Variants in DNAH11 observed in about 807,000 individuals in gnomAD.
The protein encoded by DNAH11 is axonemal beta dynein heavy chain 11.
A neutral mutation model predicts 526.0 loss-of-function variants in DNAH11; 442 were observed. The observed-to-expected ratio is 0.84, with a 90% confidence interval of 0.78 to 0.91. The LOEUF (loss-of-function observed/expected upper bound fraction) is 0.91, where lower values mean the gene tolerates loss of function less well. Ranked by LOEUF, DNAH11 falls within the 40% of genes least tolerant of loss-of-function variation. The probability of loss-of-function intolerance (pLI) is 0.00; values close to 1 mark genes in which losing one functional copy is unlikely to be tolerated. For synonymous variants in DNAH11, 2,461 were observed against 1,935.9 expected, an observed-to-expected ratio of 1.27 and a Z score of -7.12; for missense variants, 6,989 against 5,448.7, an observed-to-expected ratio of 1.28 and a Z score of -8.90.
At chr7:21,605,980 T>C (rs1265119817) in intron 18 of DNAH11, among the ~76,000 whole-genome samples, 1 of 152,180 alleles carries the variant, frequency 6.6e-6, no homozygotes, top group Non-Finnish European at 1.5e-5. Flanking sequence ...TCCTTTTTTA[T>C]AAACTCATTA....
chr7:21,543,441 C>T lies in DNAH11; in HGVS notation c.196C>T (p.Leu66=). The T allele has an allele frequency of 3.2e-6, 5 of 1,563,140 alleles. No individual in the cohort carries two copies. The highest frequency in any genetic ancestry group is 4.3e-6 in the Non-Finnish European group (5 of 1,153,010). Residue 66 remains leucine (L), a synonymous_variant, in exon 1 of 82, where the codon CTG becomes TTG. Coordinates refer to ENST00000409508, the MANE Select transcript of DNAH11 (RefSeq NM_001277115.2). ...GCGGGTGCGCTTCCTCGGCGGCCGC[C>T]TGGCGATGATGCTGGGGTTCACGGA... is the stretch of plus-strand genomic sequence containing the variant. ...DARVRFLGGR[L]AMMLGFTEEK... is the part of the protein sequence containing the mutation.
intron 29 of DNAH11, among the ~76,000 whole-genome samples, chr7:21,657,831 T>G (rs1782082557): frequency 6.6e-6 from 1 of 152,154 alleles, no homozygotes; most frequent in Non-Finnish European, 1.5e-5. Context: ...GTTTCCTGTT[T>G]CTTTCAAGAG....
At position 21,711,778 on chromosome 7, in the gene DNAH11, C is replaced by T. The variant is rs977897074; in HGVS notation, c.6901C>T (p.His2301Tyr). 1 of 1,613,894 alleles carries T rather than the reference C, an allele frequency of 6.2e-7. No individual in the cohort carries two copies. The highest frequency in any genetic ancestry group is 8.5e-7 in the Non-Finnish European group (1 of 1,179,826). Residue 2301 changes from histidine (H) to tyrosine (Y), a missense_variant, in exon 42 of 82, where the codon CAT (histidine) becomes TAT (tyrosine). Transcript: ENST00000409508. The stretch of plus-strand genomic sequence containing the variant: ...CTTCATGAGGCTTCTGTTTGAGATA[C>T]ATCACTTAAGGAGCGCAACCCCGGC... The part of the protein sequence containing the change: ...TPFMRLLFEI[H>Y]HLRSATPATV...
At chr7:21,877,522 T>G (rs1185265419) in intron 74 of DNAH11, among the ~76,000 whole-genome samples, 2 of 152,216 alleles carry the variant, frequency 1.3e-5, no homozygotes, top group Non-Finnish European at 2.9e-5. Context: ...TTTAATCAAG[T>G]GGCTGGGACA....
At chr7:21,847,680 C>T (rs547880543) in intron 66 of DNAH11, among the ~76,000 whole-genome samples, 55 of 152,180 alleles carry the variant, frequency 3.6e-4, no homozygotes, top group South Asian at 8.3e-4. Context: ...ACATTCGATC[C>T]GGTTGATTGA....
chr7:21,787,104 A>G (rs1260533989), intron 59 of DNAH11, among the ~76,000 whole-genome samples: 1 of 152,206 alleles, frequency 6.6e-6, no homozygotes, highest in Admixed American at 6.5e-5. Context: ...GGTGAAGCAC[A>G]GGGGATTTTT....
Position 21,681,654 on chromosome 7 carries a change from G to T in DNAH11, c.5437G>T (p.Val1813Leu), listed in dbSNP as rs1253779559. Reference sequence around the variant, plus strand: ...CATAGATGTCCATGCCAGAGACGTGGTGGCAAAACTTATTTCTCAGAAGGC... The same window carrying T: ...CATAGATGTCCATGCCAGAGACGTGTTGGCAAAACTTATTTCTCAGAAGGC... The part of the protein sequence containing the change: ...CTIDVHARDV[V>L]AKLISQKVVS... Residue 1813 changes from valine (V) to leucine (L), a missense_variant, in exon 31 of 82, where the codon GTG becomes TTG. Val to Leu is a conservative substitution (Grantham distance 32). Coordinates refer to ENST00000409508, the MANE Select transcript of DNAH11 (RefSeq NM_001277115.2). 1.5e-5 allele frequency: 24 copies of T among 1,613,928 alleles called. No homozygotes were observed. Among genetic ancestry groups the T allele is most frequent in the Non-Finnish European group, 1.9e-5 (23 of 1,179,862 alleles).
Position 21,543,335 on chromosome 7 carries a change from G to T in DNAH11, c.90G>T (p.Val30=). 1 of 1,551,022 alleles carries T rather than the reference G, an allele frequency of 6.4e-7. No individual in the cohort carries two copies. Among genetic ancestry groups the T allele is most frequent in the Non-Finnish European group, 8.7e-7 (1 of 1,146,746 alleles). ...RLTSGAGLEA[V]GAVELEEEEE... is the part of the protein sequence containing the mutation. Reference sequence around the variant, plus strand: ...CCTCGGGGGCCGGCCTGGAGGCAGTGGGCGCTGTGGAGCTCGAGGAGGAGG... The same window carrying T: ...CCTCGGGGGCCGGCCTGGAGGCAGTTGGCGCTGTGGAGCTCGAGGAGGAGG... The change falls in exon 1 of 82, where the codon GTG becomes GTT. Residue 30 remains valine (V), a synonymous_variant. Transcript: ENST00000409508.
chr7:21,838,756 C>T (rs1367205905), intron 65 of DNAH11, among the ~76,000 whole-genome samples: 1 of 129,978 alleles, frequency 7.7e-6, no homozygotes, highest in East Asian at 2.7e-4. Flanking sequence ...ATTTTTGAGA[C>T]AGGGTCTCTG....
At chr7:21,585,722 T>G (rs1203785301) in intron 9 of DNAH11, among the ~76,000 whole-genome samples, 9 of 152,184 alleles carry the variant, frequency 5.9e-5, no homozygotes, top group African/African-American at 2.2e-4. Context: ...TGGCCACAGA[T>G]TTTTAAAAAT....
In DNAH11 at chr7:21,900,123, A is replaced by G; in HGVS notation, c.13303+3A>G. On this transcript the variant is annotated splice_donor_region_variant and intron_variant, in intron 81 of 81. Coordinates refer to ENST00000409508, the MANE Select transcript of DNAH11 (RefSeq NM_001277115.2). ...CCTCCACGGACTCTTCATGGAGGGT[A>G]AGACACCCCAAGGGGTAAGTGGGGA... 6.2e-7 allele frequency: 1 copy of G among 1,609,384 alleles called. No individual in the cohort carries two copies. Among genetic ancestry groups the G allele is most frequent in the South Asian group, 1.1e-5 (1 of 90,404 alleles).
chr7:21,561,450 A>G (rs1213470339), intron 5 of DNAH11: 4 of 262,064 alleles, frequency 1.5e-5, no homozygotes, highest in African/African-American at 4.5e-5. Context: ...TCGGAGTTAA[A>G]AAAAAAAAAT....
intron 25 of DNAH11, among the ~76,000 whole-genome samples, chr7:21,632,830 C>A (rs965371651): frequency 1.3e-5 from 2 of 152,178 alleles, no homozygotes; most frequent in African/African-American, 4.8e-5. Flanking sequence ...AAAGTTGCTT[C>A]CACATTTTCG....
chr7:21,846,751 G>T (rs1190228217), intron 66 of DNAH11, among the ~76,000 whole-genome samples: 1 of 152,016 alleles, frequency 6.6e-6, no homozygotes, highest in Non-Finnish European at 1.5e-5. Context: ...TGTTCCCTCT[G>T]CTTCTATTTT....
At chr7:21,816,369 C>A in intron 63 of DNAH11, 98 bp from the exon 64 acceptor site, 2 of 927,174 alleles carry the variant, frequency 2.2e-6, no homozygotes, top group Admixed American at 2.3e-5. Flanking sequence ...ATGTGTTTAC[C>A]TAGGGTTACT....
intron 8 of DNAH11, among the ~76,000 whole-genome samples, chr7:21,575,101 T>C (rs1334597712): frequency 1.3e-5 from 2 of 152,042 alleles, no homozygotes; most frequent in Non-Finnish European, 2.9e-5. Context: ...GGTCTTAAAC[T>C]CCTGGCCTCA....
chr7:21,885,717 T>C (rs370573787), intron 76 of DNAH11, among the ~76,000 whole-genome samples: 2 of 152,316 alleles, frequency 1.3e-5, no homozygotes, highest in East Asian at 3.9e-4. Context: ...CATCGCATTG[T>C]ACCCCATCAA....
At chr7:21,631,498 C>T (rs112217057) in intron 25 of DNAH11, among the ~76,000 whole-genome samples, 9 of 152,270 alleles carry the variant, frequency 5.9e-5, no homozygotes, top group African/African-American at 2.2e-4. Flanking sequence ...TTAGTTACTT[C>T]CTAGATAAAA....
intron 37 of DNAH11, 140 bp from the exon 38 acceptor site, chr7:21,704,294 G>T: frequency 1.2e-6 from 1 of 813,286 alleles, no homozygotes; most frequent in Non-Finnish European, 1.9e-6. Flanking sequence ...CCTCCCTATT[G>T]ATAGAATGCC....
Sources: allele counts gnomAD v4.1 joint callset (sites outside exome capture counted in the v4.1 genomes callset), GRCh38; gene constraint gnomAD v4.1.1; transcripts MANE v1.5; gene names NCBI Gene and HGNC (gene_info 2026-07-23, HGNC 2026-07-21).